FRZB: variants seen among roughly 807,000 people sequenced by gnomAD.
FRZB encodes frizzled related protein.
FRZB carries 34 observed loss-of-function variants against 32.5 expected under a neutral mutation model. The ratio of observed to expected loss-of-function variants is 1.05; its 90% CI spans 0.80 to 1.39. FRZB has a LOEUF of 1.39. Among genes scored for constraint, FRZB ranks in the 40% most tolerant of loss-of-function variants. FRZB has a pLI of 0.00. For synonymous variants in FRZB, 170 were observed against 159.2 expected, an observed-to-expected ratio of 1.07 and a Z score of -0.51; for missense variants, 423 against 424.8, an observed-to-expected ratio of 1.00 and a Z score of 0.04.
At chr2:182,849,344 C>T (rs546374347) in intron 2 of FRZB, among the ~76,000 whole-genome samples, 8 of 152,064 alleles carry the variant, frequency 5.3e-5, no homozygotes, top group Admixed American at 1.3e-4. Context: ...TTAAATGCAG[C>T]ATACACTTAA....
chr2:182,856,538 G>T, intron 2 of FRZB, among the ~76,000 whole-genome samples: 1 of 152,046 alleles, frequency 6.6e-6, no homozygotes, highest in South Asian at 2.1e-4. Flanking sequence ...CAACAGTATG[G>T]ATTTTTTTAA....
chr2:182,847,604 T>C (rs1374863692), intron 2 of FRZB, among the ~76,000 whole-genome samples: 1 of 152,208 alleles, frequency 6.6e-6, no homozygotes. Flanking sequence ...AGAAAGGTAC[T>C]GATATTGACA....
intron 2 of FRZB, among the ~76,000 whole-genome samples, chr2:182,854,134 T>G (rs575311120): frequency 2.0e-5 from 3 of 152,272 alleles, no homozygotes; most frequent in Non-Finnish European, 4.4e-5. Flanking sequence ...TAGTTACCTT[T>G]GAAGAGAAGG....
chr2:182,858,655 T>C, intron 2 of FRZB, 131 bp downstream of exon 2: 1 of 596,508 alleles, frequency 1.7e-6, no homozygotes, highest in Non-Finnish European at 2.9e-6. Context: ...TTAATATAAA[T>C]GAGGGAATTT....
chr2:182,851,738 C>T (rs528145595), intron 2 of FRZB, among the ~76,000 whole-genome samples: 38 of 151,708 alleles, frequency 2.5e-4, no homozygotes, highest in Non-Finnish European at 5.0e-4. Context: ...CAAAGAGTAC[C>T]CAGGTAGAAG....
At chr2:182,848,291 T>C (rs963779907) in intron 2 of FRZB, among the ~76,000 whole-genome samples, 1 of 152,140 alleles carries the variant, frequency 6.6e-6, no homozygotes, top group African/African-American at 2.4e-5. Flanking sequence ...AGATGGATCA[T>C]CTACCTTATC....
At chr2:182,863,207 T>A (rs111780859) in intron 1 of FRZB, among the ~76,000 whole-genome samples, 1 of 151,466 alleles carries the variant, frequency 6.6e-6, no homozygotes, top group Admixed American at 6.6e-5. Context: ...TCACACCTGG[T>A]CTGCCCCACT....
At chr2:182,850,599 T>A (rs1278318506) in intron 2 of FRZB, among the ~76,000 whole-genome samples, 4 of 152,232 alleles carry the variant, frequency 2.6e-5, no homozygotes, top group East Asian at 3.8e-4. Flanking sequence ...TGTGCATATA[T>A]ACTACATTCT....
chr2:182,859,493 T>C (rs970878364), intron 1 of FRZB, among the ~76,000 whole-genome samples: 1 of 152,166 alleles, frequency 6.6e-6, no homozygotes. Context: ...TGAATAACAG[T>C]GCACCAGCGG....
intron 3 of FRZB, among the ~76,000 whole-genome samples, chr2:182,839,787 T>C (rs536393052): frequency 6.6e-6 from 1 of 152,066 alleles, no homozygotes; most frequent in Non-Finnish European, 1.5e-5. Context: ...TCACTATCCA[T>C]GGACATTATA....
At chr2:182,850,837 C>T in intron 2 of FRZB, among the ~76,000 whole-genome samples, 1 of 152,156 alleles carries the variant, frequency 6.6e-6, no homozygotes, top group East Asian at 1.9e-4. Context: ...TTTACATTCC[C>T]ACCAACAGTA....
chr2:182,850,479 A>G lies in FRZB; in HGVS notation c.527-7936T>C, dbSNP rs144250230. ...TCCCATATATGAAGGAGAACGTGTG[A>G]TATTGGTCTTTCTGGGCTTGGCTTA... On this transcript the variant is annotated intron_variant, in intron 2 of 5. Transcript: ENST00000295113. Among the ~76,000 whole-genome samples, 149 of 152,204 alleles carry G rather than the reference A, an allele frequency of 9.8e-4. 1 individual carries two copies. Among genetic ancestry groups the G allele is most frequent in the African/African-American group, 3.5e-3 (146 of 41,544 alleles).
chr2:182,859,570 T>C (rs1011079230), intron 1 of FRZB, among the ~76,000 whole-genome samples: 8 of 152,186 alleles, frequency 5.3e-5, no homozygotes, highest in African/African-American at 1.9e-4. Flanking sequence ...TAGTACTTTA[T>C]ATAAGAGTTT....
At chr2:182,844,367 TG>T (rs1319238477) in intron 2 of FRZB, among the ~76,000 whole-genome samples, 4 of 152,230 alleles carry the variant, frequency 2.6e-5, no homozygotes, top group African/African-American at 9.6e-5. Flanking sequence ...ACCTAGCTTT[TG>T]GCGTTCTGTA....
In FRZB at chr2:182,844,507, T is replaced by C. The variant is rs183412716; in HGVS notation, c.527-1964A>G. On this transcript the variant is annotated intron_variant, in intron 2 of 5. Transcript: ENST00000295113. Reference sequence around the variant, plus strand: ...CCTCATCCATATATAGACTTGTGATTTTTCTACTTAAAAATAAATATCTAT... The same window carrying C: ...CCTCATCCATATATAGACTTGTGATCTTTCTACTTAAAAATAAATATCTAT... Among the ~76,000 whole-genome samples the C allele has an allele frequency of 1.0e-3, 158 of 152,294 alleles. 5 individuals are homozygous for C. Among genetic ancestry groups the C allele is most frequent in the Admixed American group, 0.01 (156 of 15,284 alleles).
chr2:182,837,541 C>T (rs56362542), intron 5 of FRZB, among the ~76,000 whole-genome samples: 5,948 of 151,954 alleles, frequency 0.039, 398 homozygotes, highest in African/African-American at 0.14. Context: ...TCCTCTTTTT[C>T]CTGCCTGAAA....
chr2:182,855,050 T>C (rs1051136628), intron 2 of FRZB, among the ~76,000 whole-genome samples: 6 of 152,064 alleles, frequency 3.9e-5, no homozygotes, highest in Admixed American at 2.0e-4. Context: ...GGCCACTGAG[T>C]GGTATACATG....
rs1435063797 is a variant in FRZB, at chr2:182,838,585, C to T, written c.621G>A (p.Lys207=). 1.2e-6 allele frequency: 2 copies of T among 1,612,634 alleles called. No individual in the cohort carries two copies. Among genetic ancestry groups the T allele is most frequent in the Admixed American group, 3.3e-5 (2 of 59,920 alleles). Residue 207 remains lysine (K), a synonymous_variant, in exon 4 of 6, where the codon AAG becomes AAA. Transcript: ENST00000295113. ...YVIRAKVKEI[K]TKCHDVTAVV... is the part of the protein sequence containing the mutation. Reference sequence around the variant, plus strand: ...CTGCAGTCACATCATGGCACTTAGTCTTTATCTCTTTAACTTTAGCCCGAA... The same window carrying T: ...CTGCAGTCACATCATGGCACTTAGTTTTTATCTCTTTAACTTTAGCCCGAA...
intron 2 of FRZB, among the ~76,000 whole-genome samples, chr2:182,843,472 A>T (rs972779601): frequency 3.3e-5 from 5 of 152,204 alleles, no homozygotes; most frequent in Non-Finnish European, 7.3e-5. Flanking sequence ...CAATTATCTT[A>T]AAATATTTAA....
Sources: allele counts gnomAD v4.1 joint callset (sites outside exome capture counted in the v4.1 genomes callset), GRCh38; gene constraint gnomAD v4.1.1; transcripts MANE v1.5; gene names NCBI Gene and HGNC (gene_info 2026-07-23, HGNC 2026-07-21).